KCNJ5: variants seen among roughly 807,000 people sequenced by gnomAD.
The protein encoded by KCNJ5 is potassium inwardly rectifying channel subfamily J member 5.
In KCNJ5, 12 loss-of-function variants were observed where a neutral mutation model predicts 20.2. That is an observed-to-expected ratio of 0.59 (90% CI 0.38 to 0.96). The LOEUF (loss-of-function observed/expected upper bound fraction) is 0.96, where lower values mean the gene tolerates loss of function less well. Among genes scored for constraint, KCNJ5 ranks in the 40% least tolerant of loss-of-function variants. The pLI is 0.00. For synonymous variants in KCNJ5, 210 were observed against 213.9 expected (o/e 0.98, Z 0.16); for missense variants, 449 against 557.6 (o/e 0.81, Z 1.96).
rs1944658193 is a variant in KCNJ5 at position 128,921,081 on chromosome 11, G to C, written c.*4350G>C. 6.6e-6 allele frequency: 1 copy of C among 152,186 alleles called. No homozygotes were observed. The highest frequency in any genetic ancestry group is 2.4e-5 in the African/African-American group (1 of 41,432). 9.4% of individuals were successfully genotyped at this position (152,186 alleles called of 1,614,324 possible). On this transcript the variant is annotated 3_prime_UTR_variant, in exon 3 of 3. Coordinates refer to ENST00000529694, the MANE Select transcript of KCNJ5 (RefSeq NM_000890.5). ...GTCAAATCTTTTTCTCCCTGTGTAGGATTCATCAATCTTCGTATGCAAAAG... is the reference window on the plus strand; with the variant it reads ...GTCAAATCTTTTTCTCCCTGTGTAGCATTCATCAATCTTCGTATGCAAAAG...
rs145123054 is a variant in KCNJ5 at position 128,911,245 on chromosome 11, G to A, written c.-10-19G>A. The stretch of plus-strand genomic sequence containing the variant: ...ATCAGAACAGCCCACTTCACTGATG[G>A]TGTCTTTTTAACTCAAAGCATCCCA... On this transcript the variant is annotated intron_variant, in intron 1 of 2. Coordinates refer to ENST00000529694, the MANE Select transcript of KCNJ5 (RefSeq NM_000890.5). This position sits in a 1 kb window ranked among gnomAD's most constrained non-coding sequence, Gnocchi z 6.3. 1 of 1,597,894 alleles carries A rather than the reference G, an allele frequency of 6.3e-7. No homozygotes were observed. Among genetic ancestry groups the A allele is most frequent in the African/African-American group, 1.3e-5 (1 of 74,704 alleles).
chr11:128,916,884 C>G lies in KCNJ5; in HGVS notation c.*153C>G, dbSNP rs892094697. ...GGAGGAACCATAAACCCAGCCCTCACAGCTCCCAGCACAGGGCCTCCCTGA... is the reference window on the plus strand; with the variant it reads ...GGAGGAACCATAAACCCAGCCCTCAGAGCTCCCAGCACAGGGCCTCCCTGA... On this transcript the variant is annotated 3_prime_UTR_variant, in exon 3 of 3. Coordinates refer to ENST00000529694, the MANE Select transcript of KCNJ5 (RefSeq NM_000890.5). 1.7e-5 allele frequency: 11 copies of G among 644,972 alleles called. No individual in the cohort carries two copies. Among genetic ancestry groups the G allele is most frequent in the Non-Finnish European group, 2.1e-5 (8 of 374,258 alleles). 40.0% of individuals were successfully genotyped at this position (644,972 alleles called of 1,614,324 possible).
At chr11:128,897,979 G>A (rs938006442) in intron 1 of KCNJ5, among the ~76,000 whole-genome samples, 3 of 152,098 alleles carry the variant, frequency 2.0e-5, no homozygotes, top group African/African-American at 7.2e-5. Context: ...CTATTTTTGG[G>A]TTCTCTGTTC....
chr11:128,910,595 G>T (rs561164384), intron 1 of KCNJ5, among the ~76,000 whole-genome samples: 13 of 152,338 alleles, frequency 8.5e-5, no homozygotes, highest in Non-Finnish European at 4.4e-5. Flanking sequence ...AATCAGCTCT[G>T]CCTGATATTT....
At chr11:128,915,909 A>C (rs1272803102) in intron 2 of KCNJ5, among the ~76,000 whole-genome samples, 1 of 145,368 alleles carries the variant, frequency 6.9e-6, no homozygotes, top group Non-Finnish European at 1.5e-5. Context: ...ATGGATAGAT[A>C]ATTGGAAGGA....
At chr11:128,903,366 C>T (rs760181371) in intron 1 of KCNJ5, 2 of 1,614,090 alleles carry the variant, frequency 1.2e-6, no homozygotes, top group South Asian at 2.2e-5. Flanking sequence ...GCTGCACTCA[C>T]CTCACACAGC....
At chr11:128,892,817 C>T (rs559398262) in intron 1 of KCNJ5, among the ~76,000 whole-genome samples, 3 of 152,134 alleles carry the variant, frequency 2.0e-5, no homozygotes, top group South Asian at 4.1e-4. Context: ...ACCAAGGTGC[C>T]GAGCTATATA....
At chr11:128,900,010 G>A (rs1265186436) in intron 1 of KCNJ5, 1 of 152,130 alleles carries the variant, frequency 6.6e-6, no homozygotes, top group African/African-American at 2.4e-5. Context: ...TAATGGGCTT[G>A]GTCTGTGATG....
intron 1 of KCNJ5, among the ~76,000 whole-genome samples, chr11:128,906,569 G>A (rs759394483): frequency 2.0e-5 from 3 of 152,188 alleles, no homozygotes; most frequent in Non-Finnish European, 4.4e-5. Context: ...GGTCTTTGTG[G>A]TTGTAGGACT....
chr11:128,892,816 C>T (rs1168763780), intron 1 of KCNJ5, among the ~76,000 whole-genome samples: 1 of 152,154 alleles, frequency 6.6e-6, no homozygotes, highest in African/African-American at 2.4e-5. Flanking sequence ...AACCAAGGTG[C>T]CGAGCTATAT....
Position 128,912,179 on chromosome 11 carries a change from G to T in KCNJ5, c.906G>T (p.Val302=), listed in dbSNP as rs533482437. 109 of 1,605,948 alleles carry T rather than the reference G, an allele frequency of 6.8e-5. No homozygotes were observed. The highest frequency in any genetic ancestry group is 8.9e-5 in the Non-Finnish European group (105 of 1,179,984). The change falls in exon 2 of 3, where the codon GTG becomes GTT. Residue 302 remains valine, a synonymous_variant. Coordinates refer to ENST00000529694, the MANE Select transcript of KCNJ5 (RefSeq NM_000890.5). ...TGCATCAGGAAGAGTTTGAAGTTGT[G>T]GTCATTCTAGAAGGGATGGTGGAAG... ...AQLHQEEFEV[V]VILEGMVEAT...
rs756204980 is a variant in KCNJ5, at chr11:128,916,931, C to A, written c.*200C>A. 8 of 563,624 alleles carry A rather than the reference C, an allele frequency of 1.4e-5. No individual in the cohort carries two copies. The highest frequency in any genetic ancestry group is 2.4e-5 in the South Asian group (1 of 41,214). The allele number at this position is 563,624 out of a possible 1,614,324, so 34.9% of individuals were successfully genotyped here. A position where few individuals can be genotyped will look rare whatever the true frequency, so the allele number is the denominator to read the frequency against. The stretch of plus-strand genomic sequence containing the variant: ...CTGAGCCAGTGGCATCCTGCCTGGG[C>A]CCCCCATGGCAGTGCTGCCTCTTGT... On this transcript the variant is annotated 3_prime_UTR_variant, in exon 3 of 3. Coordinates refer to ENST00000529694, the MANE Select transcript of KCNJ5 (RefSeq NM_000890.5).
At chr11:128,913,116 G>A (rs1163134772) in intron 2 of KCNJ5, among the ~76,000 whole-genome samples, 2 of 152,210 alleles carry the variant, frequency 1.3e-5, no homozygotes, top group East Asian at 3.9e-4. Context: ...AGGGGATGCA[G>A]AATTTCCTAA....
intron 1 of KCNJ5, among the ~76,000 whole-genome samples, chr11:128,895,382 AC>A (rs59889127): frequency 0.3 from 41,752 of 141,502 alleles, 7,207 homozygotes; most frequent in East Asian, 0.54. Context: ...GTGTGCCCCC[AC>A]CCCCCCCCCA....
rs36205004 is a variant in KCNJ5 at position 128,917,590 on chromosome 11, G to GTGTTTTGTTTTGTTT, written c.*891_*905dup. The GTGTTTTGTTTTGTTT allele has an allele frequency of 6.7e-6, 1 of 149,414 alleles. No individual in the cohort carries two copies. Among genetic ancestry groups the GTGTTTTGTTTTGTTT allele is most frequent in the Non-Finnish European group, 1.5e-5 (1 of 67,642 alleles). 9.3% of individuals were successfully genotyped at this position (149,414 alleles called of 1,614,324 possible). On this transcript the variant is annotated 3_prime_UTR_variant, in exon 3 of 3. Coordinates refer to ENST00000529694, the MANE Select transcript of KCNJ5 (RefSeq NM_000890.5). The stretch of plus-strand genomic sequence containing the variant: ...GCTTCTAATCATCACAGTAGTTTTT[G>GTGTTTTGTTTTGTTT]TGTTTTGTTTTGTTTTGTTTTGTTT...
At chr11:128,913,270 C>T (rs2136000629) in intron 2 of KCNJ5, among the ~76,000 whole-genome samples, 1 of 152,302 alleles carries the variant, frequency 6.6e-6, no homozygotes, top group South Asian at 2.1e-4. Flanking sequence ...AGGTGAGGCT[C>T]CTTTCTCACA....
At chr11:128,902,230 C>G (rs1362709685) in intron 1 of KCNJ5, 1 of 399,398 alleles carries the variant, frequency 2.5e-6, no homozygotes, top group Non-Finnish European at 4.6e-6. Flanking sequence ...GCCCTCACCG[C>G]TGGTAATCAG....
At chr11:128,908,587 G>A (rs182973743) in intron 1 of KCNJ5, among the ~76,000 whole-genome samples, 160 of 152,296 alleles carry the variant, frequency 1.1e-3, no homozygotes, top group African/African-American at 3.4e-3. Context: ...ACATTTTCCC[G>A]TTTCTAGTAC....
intron 1 of KCNJ5, among the ~76,000 whole-genome samples, chr11:128,905,205 G>A (rs1045105630): frequency 5.9e-5 from 9 of 152,050 alleles, no homozygotes; most frequent in South Asian, 2.1e-4. Context: ...GCCTCCCCAC[G>A]CCCGTTCCCT....
Sources: allele counts gnomAD v4.1 joint callset (sites outside exome capture counted in the v4.1 genomes callset), GRCh38; gene constraint gnomAD v4.1.1; non-coding constraint Gnocchi (gnomAD v3.1); transcripts MANE v1.5; gene names NCBI Gene and HGNC (gene_info 2026-07-23, HGNC 2026-07-21).